Variants in RPS6KC1 observed in about 807,000 individuals in gnomAD.
RPS6KC1 encodes the protein inactive ribosomal protein S6 kinase delta-1.
RPS6KC1 carries 54 observed loss-of-function variants against 103.8 expected under a neutral mutation model. The ratio of observed to expected loss-of-function variants is 0.52; its 90% CI spans 0.42 to 0.65. The LOEUF (loss-of-function observed/expected upper bound fraction) is 0.65, where lower values mean the gene tolerates loss of function less well. Ranked by LOEUF, RPS6KC1 falls within the 30% of genes least tolerant of loss-of-function variation. The pLI is 0.00. For synonymous variants in RPS6KC1, 439 were observed against 438.7 expected, an observed-to-expected ratio of 1.00 and a Z score of -0.01; for missense variants, 1,151 against 1,253.8, an observed-to-expected ratio of 0.92 and a Z score of 1.24.
chr1:213,064,712 C>T (rs1337071263), intron 1 of RPS6KC1, among the ~76,000 whole-genome samples: 1 of 122,552 alleles, frequency 8.2e-6, no homozygotes, highest in Non-Finnish European at 1.6e-5. Flanking sequence ...GAGTCTTGCT[C>T]TATTGCCCAG....
chr1:213,852,995 A>G, the RPS6KC1 span, among the ~76,000 whole-genome samples: 1 of 152,110 alleles, frequency 6.6e-6, no homozygotes, highest in Non-Finnish European at 1.5e-5. Flanking sequence ...GACTCAGTCC[A>G]TTTTCTCTCC....
chr1:213,318,216 G>T, the RPS6KC1 span, among the ~76,000 whole-genome samples: 1 of 152,202 alleles, frequency 6.6e-6, no homozygotes, highest in Admixed American at 6.5e-5. Context: ...TGGTTCCTTT[G>T]GACCCCTGGA....
chr1:213,805,897 G>A, the RPS6KC1 span, among the ~76,000 whole-genome samples: 1 of 152,216 alleles, frequency 6.6e-6, no homozygotes, highest in African/African-American at 2.4e-5. Flanking sequence ...TGAATGTTGT[G>A]TTAGCAGGCA....
intron 6 of RPS6KC1, among the ~76,000 whole-genome samples, chr1:213,137,793 A>ATCTTT (rs1400023591): frequency 2.3e-5 from 1 of 42,996 alleles, no homozygotes; most frequent in Non-Finnish European, 5.0e-5. Flanking sequence ...ATATATATAT[A>ATCTTT]TATATATTTT....
At chr1:213,621,621 C>T in the RPS6KC1 span, among the ~76,000 whole-genome samples, 3 of 152,188 alleles carry the variant, frequency 2.0e-5, no homozygotes, top group South Asian at 4.1e-4. Flanking sequence ...TGAGTTTAGA[C>T]TGACCTCTGT....
At chr1:213,385,597 CAT>C in the RPS6KC1 span, among the ~76,000 whole-genome samples, 44 of 152,330 alleles carry the variant, frequency 2.9e-4, no homozygotes, top group African/African-American at 1.0e-3. Flanking sequence ...TTGTAGGATG[CAT>C]ATGTCCTGTG....
At chr1:213,372,210 G>A in the RPS6KC1 span, among the ~76,000 whole-genome samples, 15 of 152,354 alleles carry the variant, frequency 9.8e-5, no homozygotes, top group South Asian at 1.7e-3. Flanking sequence ...TGCTGAGAGA[G>A]GGGTGTCTGC....
chr1:213,460,405 C>CTT, the RPS6KC1 span, among the ~76,000 whole-genome samples: 1,946 of 111,046 alleles, frequency 0.018, 22 homozygotes, highest in Non-Finnish European at 0.027. Context: ...GCAACCCCTG[C>CTT]TTTTTTTTTT....
At chr1:213,699,746 G>T in the RPS6KC1 span, among the ~76,000 whole-genome samples, 1 of 152,044 alleles carries the variant, frequency 6.6e-6, no homozygotes, top group Admixed American at 6.5e-5. Context: ...CATTTTAACT[G>T]GGGTGAGGTG....
At chr1:213,535,889 C>T in the RPS6KC1 span, among the ~76,000 whole-genome samples, 1 of 152,010 alleles carries the variant, frequency 6.6e-6, no homozygotes, top group African/African-American at 2.4e-5. Context: ...ATAGGATTGC[C>T]CTTAGACCAA....
the RPS6KC1 span, among the ~76,000 whole-genome samples, chr1:213,635,692 C>T: frequency 5.9e-5 from 9 of 152,094 alleles, no homozygotes; most frequent in Admixed American, 2.0e-4. Context: ...GGAAGCATTC[C>T]CTTTGAAAAC....
chr1:213,061,033 A>G (rs1038101951), intron 1 of RPS6KC1, among the ~76,000 whole-genome samples: 5 of 152,212 alleles, frequency 3.3e-5, no homozygotes, highest in Non-Finnish European at 5.9e-5. Flanking sequence ...ATTTGCATAC[A>G]GCTGCCTTCT....
the RPS6KC1 span, among the ~76,000 whole-genome samples, chr1:213,532,866 G>T: frequency 6.6e-6 from 1 of 152,228 alleles, no homozygotes; most frequent in Non-Finnish European, 1.5e-5. Flanking sequence ...GGTACTGTGG[G>T]GAACACTGTT....
chr1:213,495,125 T>A, the RPS6KC1 span, among the ~76,000 whole-genome samples: 1 of 152,188 alleles, frequency 6.6e-6, no homozygotes, highest in African/African-American at 2.4e-5. Flanking sequence ...ATACACCACA[T>A]AGGTACATTT....
the RPS6KC1 span, among the ~76,000 whole-genome samples, chr1:213,306,306 C>T: frequency 6.6e-6 from 1 of 152,058 alleles, no homozygotes; most frequent in Non-Finnish European, 1.5e-5. Context: ...AGAAGCTGGA[C>T]ATATTGGTAA....
chr1:213,342,965 T>C, the RPS6KC1 span, among the ~76,000 whole-genome samples: 3 of 152,044 alleles, frequency 2.0e-5, no homozygotes, highest in African/African-American at 4.8e-5. Flanking sequence ...CTGGGCAACA[T>C]AGCGAAACGC....
chr1:213,696,727 G>C, the RPS6KC1 span, among the ~76,000 whole-genome samples: 2 of 152,074 alleles, frequency 1.3e-5, no homozygotes, highest in East Asian at 3.9e-4. Context: ...TTGAAGGATA[G>C]AGAGGGAAAA....
chr1:213,204,302 T>A (rs562771886), intron 8 of RPS6KC1, among the ~76,000 whole-genome samples: 1 of 152,350 alleles, frequency 6.6e-6, no homozygotes, highest in South Asian at 2.1e-4. Context: ...CACTTTCCCA[T>A]CATACATCCA....
chr1:213,443,912 G>C, the RPS6KC1 span, among the ~76,000 whole-genome samples: 1 of 151,600 alleles, frequency 6.6e-6, no homozygotes, highest in African/African-American at 2.4e-5. Context: ...AAAAAAAAGA[G>C]AAGTTTTTGG....
Sources: allele counts gnomAD v4.1 joint callset (sites outside exome capture counted in the v4.1 genomes callset), GRCh38; gene constraint gnomAD v4.1.1; transcripts MANE v1.5; gene names NCBI Gene and HGNC (gene_info 2026-07-23, HGNC 2026-07-21).